DDX3X: variants seen among roughly 807,000 people sequenced by gnomAD.
DDX3X encodes the protein DEAD-box helicase 3 X-linked.
Under a neutral mutation model 52.7 loss-of-function variants are expected in DDX3X, and 4 were observed. The observed-to-expected ratio is 0.08, with a 90% confidence interval of 0.04 to 0.17. DDX3X has a LOEUF of 0.17. Among genes scored for constraint, DDX3X ranks in the 10% least tolerant of loss-of-function variants. The pLI, the probability that DDX3X is intolerant of heterozygous loss-of-function variation, is 1.00. For missense variants in DDX3X, 222 were observed against 548.6 expected, an observed-to-expected ratio of 0.40 and a Z score of 5.95; for synonymous variants, 192 against 178.1, an observed-to-expected ratio of 1.08 and a Z score of -0.62.
At chrX:41,346,780 C>T in intron 14 of DDX3X, 79 bp from the exon 15 acceptor site, 2 of 1,011,294 alleles carry the variant, frequency 2.0e-6, no homozygotes, top group Non-Finnish European at 2.7e-6. Context: ...TTAAATATTT[C>T]TACGTAGGAA....
chrX:41,343,583 C>T (rs1196959887), intron 7 of DDX3X, 154 bp from the exon 8 acceptor site: 5 of 548,619 alleles, frequency 9.1e-6, no homozygotes, highest in Non-Finnish European at 1.4e-5. Context: ...TTGCTGACTC[C>T]TCTTAGAGGT....
rs190934026 is a variant in DDX3X, at chrX:41,346,439, A to G, written c.1497+29A>G. On this transcript the variant is annotated intron_variant, in intron 13 of 16. Coordinates refer to ENST00000644876, the MANE Select transcript of DDX3X (RefSeq NM_001356.5). ...TGTATAAACATCTTTCTTTTATTCA[A>G]ATTGAGCATGTTCAAGTATTTGTTT... 3,137 of 1,197,553 alleles carry G rather than the reference A, an allele frequency of 2.6e-3. 15 individuals are homozygous for G. The highest frequency in any genetic ancestry group is 1.6e-3 in the Admixed American group (72 of 44,412).
At chrX:41,355,605 C>A (rs911021950) in intron 5 of DDX3X, among the ~76,000 whole-genome samples, 1 of 109,124 alleles carries the variant, frequency 9.2e-6, no homozygotes, top group African/African-American at 3.3e-5. Context: ...GTAATTGGGA[C>A]CACGGGTGTG....
chrX:41,341,406 C>G (rs1474451078), intron 3 of DDX3X, 78 bp from the exon 4 acceptor site: 6 of 899,563 alleles, frequency 6.7e-6, no homozygotes, highest in Non-Finnish European at 9.2e-6. Flanking sequence ...CTTTCAAATT[C>G]AGAAAGATTG....
chrX:41,342,252 G>A, intron 4 of DDX3X: 2 of 316,335 alleles, frequency 6.3e-6, no homozygotes, highest in South Asian at 7.8e-5. Context: ...CTTAATTTTG[G>A]CATCTGTGAG....
chrX:41,357,997 G>A, intron 5 of DDX3X: 1 of 209,468 alleles, frequency 4.8e-6, no homozygotes, highest in Non-Finnish European at 8.7e-6. Flanking sequence ...GCAGGCATGA[G>A]TCTGTAAGCA....
intron 10 of DDX3X, chrX:41,344,653 G>A: frequency 2.7e-6 from 1 of 364,593 alleles, no homozygotes; most frequent in Non-Finnish European, 4.8e-6. Flanking sequence ...GGTCAGGCTG[G>A]TCTCGAACTC....
downstream of DDX3X, among the ~76,000 whole-genome samples, chrX:41,353,297 CAAAAAAAAAAA>C (rs61067509): frequency 2.2e-5 from 1 of 46,038 alleles, no homozygotes; most frequent in Non-Finnish European, 4.0e-5. Context: ...ACTAAAAATA[CAAAAAAAAAAA>C]AAAAAAAAAA....
At chrX:41,337,007 C>T (rs2063780911) in intron 1 of DDX3X, among the ~76,000 whole-genome samples, 1 of 112,108 alleles carries the variant, frequency 8.9e-6, no homozygotes, top group African/African-American at 3.2e-5. Flanking sequence ...CTTTCATAAC[C>T]GGCACTAAAA....
In DDX3X at chrX:41,343,814, G is replaced by A; in HGVS notation, c.757G>A (p.Ala253Thr). The part of the protein sequence containing the change: ...YSDGPGEALR[A>T]MKENGRYGRR... The stretch of plus-strand genomic sequence containing the variant: ...AGATGGTCCAGGCGAGGCTTTGAGG[G>A]CCATGAAGGTAGATGTTTCTTTATA... The change falls in exon 8 of 17, where the codon GCC becomes ACC. Residue 253 changes from alanine to threonine, a missense_variant. Ala to Thr is a moderately conservative substitution (Grantham distance 58). Coordinates refer to ENST00000644876, the MANE Select transcript of DDX3X (RefSeq NM_001356.5). 8.3e-7 allele frequency: 1 copy of A among 1,203,554 alleles called. No individual in the cohort carries two copies. The highest frequency in any genetic ancestry group is 1.7e-5 in the African/African-American group (1 of 57,589).
intron 12 of DDX3X, 36 bp from the exon 13 acceptor site, chrX:41,346,193 T>C (rs1484030515): frequency 1.7e-6 from 2 of 1,160,723 alleles, no homozygotes; most frequent in Non-Finnish European, 2.3e-6. Flanking sequence ...AACTAAGCCA[T>C]GTTAGTGACA....
chrX:41,352,266 G>C (rs1182569134), downstream of DDX3X, among the ~76,000 whole-genome samples: 1 of 111,695 alleles, frequency 9.0e-6, no homozygotes, highest in Non-Finnish European at 1.9e-5. Flanking sequence ...TGTATATCCA[G>C]TTTTAGTCCT....
At chrX:41,333,921 G>C (rs1270398211), upstream of DDX3X, 2 of 211,020 alleles carry the variant, frequency 9.5e-6, no homozygotes, top group African/African-American at 5.8e-5. Context: ...GAGAGCACGG[G>C]AAGTGTAGCT....
rs2063962156 is a variant in DDX3X, at chrX:41,349,268, A to G, written c.*1549A>G. ...GTTTAGGCCCTTGTACATTTTGCCC[A>G]TAACTTTTTACAAAGTACTTCTTTT... On this transcript the variant is annotated 3_prime_UTR_variant, in exon 17 of 17. Coordinates refer to ENST00000644876, the MANE Select transcript of DDX3X (RefSeq NM_001356.5). 8.9e-6 allele frequency: 1 copy of G among 112,486 alleles called. No individual in the cohort carries two copies. The highest frequency in any genetic ancestry group is 1.9e-5 in the Non-Finnish European group (1 of 53,315). 9.3% of individuals were successfully genotyped at this position (112,486 alleles called of 1,213,427 possible).
downstream of DDX3X, among the ~76,000 whole-genome samples, chrX:41,352,196 G>A (rs2063991513): frequency 9.0e-6 from 1 of 111,318 alleles, no homozygotes; most frequent in African/African-American, 3.3e-5. Flanking sequence ...CCTCTTCAAA[G>A]GGTCATTAGG....
rs779844052 is a variant in DDX3X, at chrX:41,342,672, T to C, written c.443+19T>C. 1.3e-5 allele frequency: 16 copies of C among 1,209,579 alleles called. No homozygotes were observed. The South Asian group carries it at 2.8e-4, about 21-fold the overall frequency. On this transcript the variant is annotated intron_variant, in intron 5 of 16. Coordinates refer to ENST00000644876, the MANE Select transcript of DDX3X (RefSeq NM_001356.5). ...TGGAACAGTAAGTTTTTGAAGTGTATGTTACTTGTGATGAAGCCTTACTAG... is the reference window on the plus strand; with the variant it reads ...TGGAACAGTAAGTTTTTGAAGTGTACGTTACTTGTGATGAAGCCTTACTAG...
intron 3 of DDX3X, chrX:41,340,425 G>A (rs2063833964): frequency 8.0e-6 from 1 of 125,242 alleles, no homozygotes; most frequent in South Asian, 3.5e-4. Context: ...GGAGGTAGAA[G>A]GCAGAAGGAA....
intron 1 of DDX3X, 147 bp downstream of exon 1, chrX:41,334,444 G>T: frequency 8.9e-7 from 1 of 1,119,512 alleles, no homozygotes. Context: ...CGGGGCTATA[G>T]AGGGATAGGA....
At chrX:41,355,522 C>G (rs1249905866) in intron 5 of DDX3X, among the ~76,000 whole-genome samples, 1 of 110,905 alleles carries the variant, frequency 9.0e-6, no homozygotes, top group Non-Finnish European at 1.9e-5. Context: ...GGCTGGAGTG[C>G]AGTGGCCCTA....
Sources: gnomAD v4.1 joint callset for allele counts (sites outside exome capture counted in the v4.1 genomes callset) on GRCh38, gnomAD v4.1.1 for gene constraint, MANE v1.5 for transcripts, NCBI Gene and HGNC (gene_info 2026-07-23, HGNC 2026-07-21) for gene names.